Variants in EPB41L4A observed in about 807,000 individuals in gnomAD.
EPB41L4A encodes erythrocyte membrane protein band 4.1 like 4A, also known as band 4.1-like protein 4A.
EPB41L4A carries 100 observed loss-of-function variants against 108.6 expected under a neutral mutation model. The observed-to-expected ratio is 0.92, with a 90% CI of 0.78 to 1.09. The LOEUF (loss-of-function observed/expected upper bound fraction) is 1.09, where lower values mean the gene tolerates loss of function less well. Among genes scored for constraint, EPB41L4A ranks in the 50% least tolerant of loss-of-function variants. EPB41L4A has a pLI of 0.00. For missense variants in EPB41L4A, 1,030 were observed against 842.7 expected (o/e 1.22, Z -2.75); for synonymous variants, 319 against 289.0 (o/e 1.10, Z -1.05).
Position 112,204,378 on chromosome 5 carries a change from C to G in EPB41L4A, c.1373G>C (p.Arg458Thr). Residue 458 changes from arginine to threonine, a missense_variant, in exon 15 of 23, where the codon AGG (arginine) becomes ACG (threonine). Physicochemically the swap from Arg to Thr is moderately conservative, Grantham distance 71. Transcript: ENST00000261486. ...SDNDSVQPVRRRKAHNSGEDS... is the reference protein window; with the variant it reads ...SDNDSVQPVRTRKAHNSGEDS... ...AGAGAGATTGTGTTCCGCTTACCTC[C>G]TCCTCACAGGCTGTACAGAATCATT... 6.2e-7 allele frequency: 1 copy of G among 1,608,618 alleles called. No individual in the cohort carries two copies. Among genetic ancestry groups the G allele is most frequent in the Non-Finnish European group, 8.5e-7 (1 of 1,175,142 alleles).
At chr5:112,217,335 C>T (rs1486804063) in intron 12 of EPB41L4A, among the ~76,000 whole-genome samples, 1 of 152,194 alleles carries the variant, frequency 6.6e-6, no homozygotes, top group Non-Finnish European at 1.5e-5. Context: ...AAAGATGTTT[C>T]TGCATCCAAT....
At chr5:112,419,287 G>A (rs1369493240), upstream of EPB41L4A, 3 of 373,162 alleles carry the variant, frequency 8.0e-6, no homozygotes, top group Admixed American at 9.8e-5. Flanking sequence ...TGGGCGCGGA[G>A]GGCGGTGGCG....
intron 1 of EPB41L4A, among the ~76,000 whole-genome samples, chr5:112,342,916 T>C (rs1353306591): frequency 6.6e-6 from 1 of 152,206 alleles, no homozygotes. Flanking sequence ...ACCTAGAAAC[T>C]ATGCAAAGTA....
At chr5:112,419,644 C>T (rs769891040), upstream of EPB41L4A, 2 of 456,210 alleles carry the variant, frequency 4.4e-6, no homozygotes, top group Non-Finnish European at 8.8e-6. Context: ...CCACGACGCC[C>T]CGACCATGGG....
At chr5:112,416,245 C>A (rs1364711114) in intron 1 of EPB41L4A, among the ~76,000 whole-genome samples, 1 of 152,008 alleles carries the variant, frequency 6.6e-6, no homozygotes, top group East Asian at 1.9e-4. Context: ...AAATGATACA[C>A]AGAAAAAATG....
At chr5:112,280,155 AAGTAC>A (rs992449370) in intron 3 of EPB41L4A, 112 bp downstream of exon 3, 6 of 818,826 alleles carry the variant, frequency 7.3e-6, no homozygotes, top group Non-Finnish European at 1.3e-5. Flanking sequence ...TCTGGTACTC[AAGTAC>A]TAGTATTCAC....
At chr5:112,372,099 C>A (rs1406867540) in intron 1 of EPB41L4A, among the ~76,000 whole-genome samples, 1 of 152,162 alleles carries the variant, frequency 6.6e-6, no homozygotes, top group African/African-American at 2.4e-5. Flanking sequence ...GTGTATTAGT[C>A]TGTTCTCATG....
chr5:112,267,989 C>G (rs1751982957), intron 4 of EPB41L4A, among the ~76,000 whole-genome samples: 1 of 152,348 alleles, frequency 6.6e-6, no homozygotes, highest in Middle Eastern at 3.4e-3. Context: ...CCTGAATGTT[C>G]ACCTGAGCAT....
chr5:112,399,652 G>A (rs1257661547), intron 1 of EPB41L4A, among the ~76,000 whole-genome samples: 1 of 152,138 alleles, frequency 6.6e-6, no homozygotes, highest in African/African-American at 2.4e-5. Context: ...CCTGCAGGTG[G>A]TAACTGCCAG....
intron 1 of EPB41L4A, among the ~76,000 whole-genome samples, chr5:112,365,649 GCTC>G (rs1417649705): frequency 2.6e-5 from 4 of 152,156 alleles, no homozygotes; most frequent in Non-Finnish European, 4.4e-5. Flanking sequence ...GATGAAGTGA[GCTC>G]CACATTTTAT....
At chr5:112,378,957 A>G (rs1759992862) in intron 1 of EPB41L4A, among the ~76,000 whole-genome samples, 1 of 152,202 alleles carries the variant, frequency 6.6e-6, no homozygotes, top group Non-Finnish European at 1.5e-5. Context: ...GTTCTCCAGC[A>G]GTCCATGTCC....
chr5:112,192,970 A>C (rs896267004), intron 17 of EPB41L4A, among the ~76,000 whole-genome samples: 3 of 152,224 alleles, frequency 2.0e-5, no homozygotes, highest in African/African-American at 4.8e-5. Context: ...AGAAATACTG[A>C]ATTTTTTATC....
At chr5:112,278,400 C>T (rs981985745) in intron 3 of EPB41L4A, among the ~76,000 whole-genome samples, 1 of 151,870 alleles carries the variant, frequency 6.6e-6, no homozygotes, top group Non-Finnish European at 1.5e-5. Context: ...TACAGGCACT[C>T]GCCACCACAT....
chr5:112,417,014 A>G (rs1314822946), intron 1 of EPB41L4A, among the ~76,000 whole-genome samples: 1 of 152,218 alleles, frequency 6.6e-6, no homozygotes, highest in Non-Finnish European at 1.5e-5. Flanking sequence ...TGCTTTTGTG[A>G]CAAGGACAGA....
At chr5:112,145,212 C>T (rs1759205554) in intron 13 of EPB41L4A, among the ~76,000 whole-genome samples, 1 of 152,138 alleles carries the variant, frequency 6.6e-6, no homozygotes, top group African/African-American at 2.4e-5. Context: ...ATCACTTGAA[C>T]CTGGGAGGTG....
At chr5:112,166,523 T>G (rs986572239) in intron 22 of EPB41L4A, among the ~76,000 whole-genome samples, 2 of 152,158 alleles carry the variant, frequency 1.3e-5, no homozygotes, top group Non-Finnish European at 2.9e-5. Flanking sequence ...TTGCAGCCAC[T>G]CACATGGCTA....
chr5:112,300,378 A>T (rs1754275534), intron 2 of EPB41L4A, among the ~76,000 whole-genome samples: 1 of 152,150 alleles, frequency 6.6e-6, no homozygotes, highest in Non-Finnish European at 1.5e-5. Context: ...TGTTTACCTG[A>T]AAAAGACTAT....
At chr5:112,202,359 G>C (rs1762261386) in intron 15 of EPB41L4A, among the ~76,000 whole-genome samples, 1 of 152,100 alleles carries the variant, frequency 6.6e-6, no homozygotes. Flanking sequence ...TCAGTCCAGA[G>C]GCAGTAAAAG....
intron 2 of EPB41L4A, among the ~76,000 whole-genome samples, chr5:112,291,949 T>C (rs896113568): frequency 1.3e-5 from 2 of 152,194 alleles, no homozygotes; most frequent in Admixed American, 1.3e-4. Context: ...GGTCAGAAGT[T>C]CCACAGGCCT....
Sources: allele counts gnomAD v4.1 joint callset (sites outside exome capture counted in the v4.1 genomes callset), GRCh38; gene constraint gnomAD v4.1.1; transcripts MANE v1.5; gene names NCBI Gene and HGNC (gene_info 2026-07-23, HGNC 2026-07-21).